TMEM273: variants seen among roughly 807,000 people sequenced by gnomAD.
TMEM273 encodes the protein chromosome 10 open reading frame 128.
TMEM273 carries 19 observed loss-of-function variants against 17.9 expected under a neutral mutation model. That is an observed-to-expected ratio of 1.06 (90% CI 0.74 to 1.55). TMEM273 has a LOEUF of 1.55. Among genes scored for constraint, TMEM273 ranks in the 40% most tolerant of loss-of-function variants. TMEM273 has a pLI of 0.00. For synonymous variants in TMEM273, 66 were observed against 62.0 expected (o/e 1.07, Z -0.31); for missense variants, 194 against 155.6 (o/e 1.25, Z -1.31).
At chr10:49,176,220 T>G (rs1415955964) in intron 1 of TMEM273, among the ~76,000 whole-genome samples, 1 of 152,148 alleles carries the variant, frequency 6.6e-6, no homozygotes, top group East Asian at 1.9e-4. Context: ...CTGAGATGGG[T>G]GTCTGCCACT....
At chr10:49,166,174 C>T (rs2132144694) in intron 3 of TMEM273, among the ~76,000 whole-genome samples, 1 of 152,258 alleles carries the variant, frequency 6.6e-6, no homozygotes. Flanking sequence ...TGGAAAACTG[C>T]ACCGTCATTG....
intron 6 of TMEM273, among the ~76,000 whole-genome samples, chr10:49,156,992 G>C (rs1035756538): frequency 2.0e-5 from 3 of 152,196 alleles, no homozygotes; most frequent in Non-Finnish European, 2.9e-5. Flanking sequence ...GAAGAAAATG[G>C]GGTTTAGAGG....
chr10:49,166,833 T>TG (rs1846219046), intron 3 of TMEM273, 36 bp downstream of exon 3: 2 of 1,611,212 alleles, frequency 1.2e-6, no homozygotes, highest in Non-Finnish European at 8.5e-7. Flanking sequence ...CCTCGCTGGG[T>TG]GGGGCAGAGC....
intron 1 of TMEM273, among the ~76,000 whole-genome samples, chr10:49,170,970 T>A (rs1846527771): frequency 6.6e-6 from 1 of 152,232 alleles, no homozygotes; most frequent in African/African-American, 2.4e-5. Context: ...CAGGCCTGCT[T>A]GGACATCACA....
chr10:49,177,041 C>T (rs920553758), intron 1 of TMEM273, among the ~76,000 whole-genome samples: 22 of 152,142 alleles, frequency 1.4e-4, no homozygotes, highest in Admixed American at 1.2e-3. Flanking sequence ...TGCTGCCTGC[C>T]GCCAGGGGAG....
At chr10:49,156,332 C>T in intron 6 of TMEM273, 1 of 1,254,274 alleles carries the variant, frequency 8.0e-7, no homozygotes, top group Non-Finnish European at 1.1e-6. Context: ...GAACTACGAG[C>T]TGTTACAGAG....
chr10:49,157,032 C>G (rs1022964954), intron 6 of TMEM273, among the ~76,000 whole-genome samples: 7 of 152,168 alleles, frequency 4.6e-5, no homozygotes, highest in African/African-American at 1.7e-4. Flanking sequence ...GTTCATCCTT[C>G]CTAGTGCCTT....
intron 6 of TMEM273, 143 bp from the exon 7 acceptor site, chr10:49,156,052 A>G: frequency 6.4e-7 from 1 of 1,558,104 alleles, no homozygotes; most frequent in Admixed American, 1.9e-5. Flanking sequence ...TTCCTTGTGC[A>G]ACATAGAAAG....
chr10:49,159,490 G>C (rs1273701680), intron 6 of TMEM273, among the ~76,000 whole-genome samples: 2 of 152,080 alleles, frequency 1.3e-5, no homozygotes, highest in Non-Finnish European at 2.9e-5. Context: ...GGAAAAGCAG[G>C]GTTTTTACTT....
chr10:49,156,012 C>G (rs1845484625), intron 6 of TMEM273, 103 bp from the exon 7 acceptor site: 1 of 1,602,458 alleles, frequency 6.2e-7, no homozygotes, highest in African/African-American at 1.3e-5. Flanking sequence ...GGTATAAAAG[C>G]TCATCAGCAA....
At chr10:49,168,461 G>A (rs558154893) in intron 1 of TMEM273, among the ~76,000 whole-genome samples, 3 of 152,110 alleles carry the variant, frequency 2.0e-5, no homozygotes, top group African/African-American at 7.2e-5. Flanking sequence ...GGTGCTTGCC[G>A]GCCATAACTG....
At chr10:49,168,476 T>C (rs992102320) in intron 1 of TMEM273, among the ~76,000 whole-genome samples, 1 of 152,108 alleles carries the variant, frequency 6.6e-6, no homozygotes, top group East Asian at 1.9e-4. Flanking sequence ...TAACTGACCA[T>C]GTCAATATGT....
At chr10:49,159,684 T>C (rs1177213583) in intron 6 of TMEM273, among the ~76,000 whole-genome samples, 1 of 151,422 alleles carries the variant, frequency 6.6e-6, no homozygotes, top group Admixed American at 6.6e-5. Flanking sequence ...GATTCCACAG[T>C]AAAAATTAAA....
chr10:49,159,645 A>T (rs557937990), intron 6 of TMEM273, among the ~76,000 whole-genome samples: 5 of 152,322 alleles, frequency 3.3e-5, no homozygotes, highest in Non-Finnish European at 7.4e-5. Flanking sequence ...CTGAGCACAC[A>T]TTGTGCCCAG....
chr10:49,169,833 A>G (rs1846437024), intron 1 of TMEM273, among the ~76,000 whole-genome samples: 1 of 152,170 alleles, frequency 6.6e-6, no homozygotes, highest in African/African-American at 2.4e-5. Flanking sequence ...GACACTCCCA[A>G]CTCAGAGCTG....
intron 2 of TMEM273, 50 bp downstream of exon 2, chr10:49,167,857 CTT>C: frequency 6.2e-7 from 1 of 1,606,498 alleles, no homozygotes; most frequent in Non-Finnish European, 8.5e-7. Context: ...GTCTTGGGAG[CTT>C]CCTTCCTGCC....
At position 49,186,068 on chromosome 10, in the gene TMEM273, G is replaced by GGAAGAAGAAGAA. The variant is rs35480919; in HGVS notation, c.43+2214_43+2225dup. 2.4e-3 allele frequency among the ~76,000 whole-genome samples: 164 copies of GGAAGAAGAAGAA among 67,160 alleles called. 4 individuals are homozygous for GGAAGAAGAAGAA. The highest frequency in any genetic ancestry group is 6.5e-3 in the African/African-American group (128 of 19,792). 44.1% of individuals were successfully genotyped at this position (67,160 alleles called of 152,430 possible). ...AAGAAGAAGAGGAAGAAGAAGAAGAGGAAGAAGAAGAAGAAGAAGAAGAAG... is the reference window on the plus strand; with the variant it reads ...AAGAAGAAGAGGAAGAAGAAGAAGAGGAAGAAGAAGAAGAAGAAGAAGAAGAAGAAGAAGAAG... On this transcript the variant is annotated intron_variant, in intron 1 of 6. Transcript: ENST00000374153.
chr10:49,185,374 G>T (rs1464352152), intron 1 of TMEM273, among the ~76,000 whole-genome samples: 1 of 152,068 alleles, frequency 6.6e-6, no homozygotes, highest in Non-Finnish European at 1.5e-5. Flanking sequence ...GCCACAGAGG[G>T]ACTGGACAGA....
chr10:49,184,886 T>C (rs1454777885), intron 1 of TMEM273, among the ~76,000 whole-genome samples: 1 of 152,186 alleles, frequency 6.6e-6, no homozygotes, highest in African/African-American at 2.4e-5. Context: ...ATCAGATAAA[T>C]GGCAGTGTTT....
Sources: allele counts gnomAD v4.1 joint callset (sites outside exome capture counted in the v4.1 genomes callset), GRCh38; gene constraint gnomAD v4.1.1; transcripts MANE v1.5; gene names NCBI Gene and HGNC (gene_info 2026-07-23, HGNC 2026-07-21).